ASIP: variants seen among roughly 807,000 people sequenced by gnomAD.
ASIP encodes agouti-signaling protein.
A neutral mutation model predicts 10.3 loss-of-function variants in ASIP; 11 were observed. That is an observed-to-expected ratio of 1.07 (90% confidence interval 0.68 to 1.78). ASIP has a LOEUF of 1.78. Among genes scored for constraint, ASIP ranks in the 40% most tolerant of loss-of-function variants. The pLI, the probability that ASIP is intolerant of heterozygous loss-of-function variation, is 0.00. For missense variants in ASIP, 180 were observed against 169.2 expected (o/e 1.06, Z -0.35); for synonymous variants, 70 against 70.8 (o/e 0.99, Z 0.06).
chr20:34,235,406 C>T (rs1360331215), intron 1 of ASIP, among the ~76,000 whole-genome samples: 8 of 152,168 alleles, frequency 5.3e-5, no homozygotes, highest in Admixed American at 5.2e-4. Flanking sequence ...TGCCATTGCA[C>T]TCCAGCCTGG....
intron 1 of ASIP, among the ~76,000 whole-genome samples, chr20:34,210,438 G>C (rs926995498): frequency 6.6e-6 from 1 of 152,322 alleles, no homozygotes; most frequent in East Asian, 1.9e-4. Flanking sequence ...CAGCACCCAC[G>C]TCAGCACCTG....
intron 1 of ASIP, among the ~76,000 whole-genome samples, chr20:34,255,422 A>C (rs1392141586): frequency 1.3e-5 from 2 of 151,884 alleles, no homozygotes; most frequent in Non-Finnish European, 2.9e-5. Context: ...CACCCTCCCA[A>C]GAGGCTGGGA....
chr20:34,243,924 G>A (rs906360182), intron 1 of ASIP, among the ~76,000 whole-genome samples: 3 of 152,078 alleles, frequency 2.0e-5, no homozygotes, highest in African/African-American at 7.2e-5. Flanking sequence ...AATTAACCGG[G>A]CGTGGTGGCG....
intron 1 of ASIP, chr20:34,246,218 T>G: frequency 6.7e-7 from 1 of 1,484,174 alleles, no homozygotes; most frequent in Non-Finnish European, 9.1e-7. Context: ...TGGTATGGTC[T>G]TCTTTTTTTG....
chr20:34,265,473 G>A (rs1374259539), intron 3 of ASIP, among the ~76,000 whole-genome samples: 1 of 152,114 alleles, frequency 6.6e-6, no homozygotes, highest in African/African-American at 2.4e-5. Context: ...ACAGTGACTT[G>A]TGATCATACC....
chr20:34,233,439 G>A (rs1270433330), intron 1 of ASIP, among the ~76,000 whole-genome samples: 3 of 152,032 alleles, frequency 2.0e-5, no homozygotes, highest in Admixed American at 6.6e-5. Flanking sequence ...GAGCCACCGC[G>A]CCCGGCCCAC....
In ASIP at chr20:34,262,857, C is replaced by G; in HGVS notation, c.186C>G (p.Ile62Met). 1 of 1,613,884 alleles carries G rather than the reference C, an allele frequency of 6.2e-7. No homozygotes were observed. The highest frequency in any genetic ancestry group is 1.7e-5 in the Admixed American group (1 of 60,006). Residue 62 changes from isoleucine to methionine, a missense_variant, in exon 3 of 4, where the codon ATC becomes ATG. Transcript: ENST00000374954. ...CGCTGAACAAGAAATCCAAACAGAT[C>G]GGCAGAAAAGCAGCAGAAAAGAAAA... The part of the protein sequence containing the change: ...IVALNKKSKQ[I>M]GRKAAEKKRS...
chr20:34,269,076 C>T lies in ASIP; in HGVS notation c.308C>T (p.Pro103Leu), dbSNP rs769701477. 1.9e-6 allele frequency: 3 copies of T among 1,576,920 alleles called. No homozygotes were observed. In the South Asian group the frequency reaches 3.5e-5, roughly 18 times the overall value. ...GCCACCCGCAACAGCTGCAAGCCGC[C>T]GGCACCCGCCTGCTGCGACCCGTGC... ...CVATRNSCKP[P>L]APACCDPCAS... Residue 103 changes from proline (P) to leucine (L), a missense_variant, in exon 4 of 4, where the codon CCG becomes CTG. Coordinates refer to ENST00000374954, the MANE Select transcript of ASIP (RefSeq NM_001672.3).
At chr20:34,235,987 A>AGGAGG (rs1568756800) in intron 1 of ASIP, among the ~76,000 whole-genome samples, 17 of 86,024 alleles carry the variant, frequency 2.0e-4, no homozygotes, top group African/African-American at 1.4e-3. Flanking sequence ...GAAGAAGGAA[A>AGGAGG]GAAGGAAGGA....
At chr20:34,263,191 C>G (rs1045420898) in intron 3 of ASIP, among the ~76,000 whole-genome samples, 1 of 152,202 alleles carries the variant, frequency 6.6e-6, no homozygotes, top group Non-Finnish European at 1.5e-5. Flanking sequence ...TGGTGTTTCC[C>G]AAACCTCAGT....
At chr20:34,247,614 G>T (rs1350320766) in intron 1 of ASIP, among the ~76,000 whole-genome samples, 1 of 151,118 alleles carries the variant, frequency 6.6e-6, no homozygotes, top group Non-Finnish European at 1.5e-5. Flanking sequence ...TTTCTTATAT[G>T]ACTTTTTTTT....
chr20:34,196,273 G>A lies in ASIP; in HGVS notation c.-11+1513G>A, dbSNP rs1440259183. 2.1e-5 allele frequency among the ~76,000 whole-genome samples: 3 copies of A among 140,566 alleles called. No homozygotes were observed. The East Asian group carries it at 6.4e-4, about 30-fold the overall frequency. 92.2% of individuals were successfully genotyped at this position (140,566 alleles called of 152,430 possible). ...CGGCTCACTGCAAGCTCTGCCTCCC[G>A]GGTTCACGCCATTCTCCTGCCTCAG... On this transcript the variant is annotated intron_variant, in intron 1 of 3. Transcript: ENST00000568305.
intron 1 of ASIP, among the ~76,000 whole-genome samples, chr20:34,254,775 A>T (rs2035540904): frequency 6.6e-6 from 1 of 152,206 alleles, no homozygotes; most frequent in Admixed American, 6.5e-5. Context: ...CAAGAATCCT[A>T]ATACAACTAA....
At chr20:34,188,322 T>C in the ASIP span, among the ~76,000 whole-genome samples, 1 of 152,144 alleles carries the variant, frequency 6.6e-6, no homozygotes, top group Admixed American at 6.5e-5. Context: ...TTAGAACATG[T>C]ACTGCTGGTG....
intron 1 of ASIP, among the ~76,000 whole-genome samples, chr20:34,209,525 A>G (rs895503623): frequency 1.3e-5 from 2 of 151,954 alleles, no homozygotes; most frequent in Admixed American, 6.6e-5. Context: ...ACCCCCCTGT[A>G]CCCCCAACCA....
At chr20:34,198,400 G>A (rs1287876896) in intron 1 of ASIP, among the ~76,000 whole-genome samples, 2 of 151,820 alleles carry the variant, frequency 1.3e-5, no homozygotes, top group Non-Finnish European at 1.5e-5. Context: ...ATTGCTTAAC[G>A]TTTTAAATCC....
chr20:34,268,802 G>A (rs745612769), intron 3 of ASIP, among the ~76,000 whole-genome samples, 189 bp from the exon 4 acceptor site: 6 of 151,978 alleles, frequency 3.9e-5, no homozygotes, highest in Non-Finnish European at 8.8e-5. Flanking sequence ...GGCCAGGCAA[G>A]AGCCAGGTAA....
intron 1 of ASIP, among the ~76,000 whole-genome samples, chr20:34,225,640 T>C (rs2035087710): frequency 6.6e-6 from 1 of 152,184 alleles, no homozygotes. Context: ...TGTTTCGTAA[T>C]AATAATTCTT....
chr20:34,245,958 TCTTTA>T (rs2035368073), intron 1 of ASIP: 6 of 1,493,020 alleles, frequency 4.0e-6, no homozygotes, highest in East Asian at 2.4e-5. Flanking sequence ...CAAATTCACT[TCTTTA>T]CTTCTCCAAG....
Sources: allele counts gnomAD v4.1 joint callset (sites outside exome capture counted in the v4.1 genomes callset), GRCh38; gene constraint gnomAD v4.1.1; transcripts MANE v1.5; gene names NCBI Gene and HGNC (gene_info 2026-07-23, HGNC 2026-07-21).